KLHL6: variants seen among roughly 807,000 people sequenced by gnomAD.
The protein encoded by KLHL6 is kelch like family member 6.
Under a neutral mutation model 58.6 loss-of-function variants are expected in KLHL6, and 41 were observed. The observed-to-expected ratio is 0.70, with a 90% CI of 0.55 to 0.91. The LOEUF is 0.91. KLHL6 is among the 40% of genes least tolerant of loss of function. The pLI is 0.00. For missense variants in KLHL6, 714 were observed against 805.6 expected (o/e 0.89, Z 1.38); for synonymous variants, 338 against 322.7 (o/e 1.05, Z -0.51).
In KLHL6 at chr3:183,492,874, AG is replaced by A; in HGVS notation, c.1351-168del. ...CCTCTTAAGACACAGCAAGAATGAA[AG>A]CATGCATTTCCCACCCTCCCTCCAG... On this transcript the variant is annotated intron_variant, in intron 5 of 6. Coordinates refer to ENST00000341319, the MANE Select transcript of KLHL6 (RefSeq NM_130446.4). This position sits in a 1 kb window ranked among gnomAD's most constrained non-coding sequence, Gnocchi z 5.9. The A allele has an allele frequency of 1.6e-6, 1 of 614,120 alleles. No individual in the cohort carries two copies. The highest frequency in any genetic ancestry group is 2.9e-5 in the Admixed American group (1 of 33,942). The allele number at this position is 614,120 out of a possible 1,614,324, so 38.0% of individuals were successfully genotyped here.
chr3:183,527,129 C>T (rs1285968033), intron 2 of KLHL6, among the ~76,000 whole-genome samples: 3 of 149,392 alleles, frequency 2.0e-5, no homozygotes, highest in African/African-American at 7.4e-5. Flanking sequence ...AACAAACAAA[C>T]CAAAAAAAAG....
Position 183,526,826 on chromosome 3 carries a change from C to T in KLHL6, c.459+1019G>A, listed in dbSNP as rs936935303. On this transcript the variant is annotated intron_variant, in intron 2 of 6. Transcript: ENST00000341319. ...TAAGTATATTAAAGTTGGCTGGGCA[C>T]GATGGCTCATGCCTGTAATCCCAGC... Among the ~76,000 whole-genome samples, 5 of 152,040 alleles carry T rather than the reference C, an allele frequency of 3.3e-5. No individual in the cohort carries two copies. In the South Asian group the frequency reaches 8.3e-4, roughly 25 times the overall value.
chr3:183,524,412 C>T (rs556178597), intron 2 of KLHL6, among the ~76,000 whole-genome samples: 14 of 152,288 alleles, frequency 9.2e-5, no homozygotes, highest in African/African-American at 3.4e-4. Context: ...TGTGTTTCTC[C>T]TCATGATTGG....
At chr3:183,541,398 G>A (rs1712547272) in intron 1 of KLHL6, among the ~76,000 whole-genome samples, 1 of 152,166 alleles carries the variant, frequency 6.6e-6, no homozygotes, top group South Asian at 2.1e-4. Context: ...CCACAGTTGG[G>A]CTACACGCAG....
At chr3:183,555,225 T>C (rs1039139803) in intron 1 of KLHL6, 136 bp downstream of exon 1, 2 of 579,484 alleles carry the variant, frequency 3.5e-6, no homozygotes, top group East Asian at 3.0e-5. Flanking sequence ...TCTTATATTT[T>C]AAGTAGACAC....
chr3:183,536,256 A>G (rs559466868), intron 1 of KLHL6, among the ~76,000 whole-genome samples: 1 of 152,366 alleles, frequency 6.6e-6, no homozygotes. Flanking sequence ...AAGTGGCTTC[A>G]GCCTGATCCT....
intron 2 of KLHL6, among the ~76,000 whole-genome samples, chr3:183,525,265 A>ACACACACACACACACACACACAC (rs1553811014): frequency 0.021 from 1,100 of 52,390 alleles, 12 homozygotes; most frequent in Non-Finnish European, 0.035. Context: ...CTCTCTAAAA[A>ACACACACACACACACACACACAC]AAAAACACAC....
In KLHL6 at chr3:183,490,033, A is replaced by T. The variant is rs903454172; in HGVS notation, c.*1894T>A. On this transcript the variant is annotated 3_prime_UTR_variant, in exon 7 of 7. Transcript: ENST00000341319. ...GTAACGCAGTTACTATGTTGTTATCATTGTTGCTTTTTAAATACAGCATAT... is the reference window on the plus strand; with the variant it reads ...GTAACGCAGTTACTATGTTGTTATCTTTGTTGCTTTTTAAATACAGCATAT... 6 of 152,274 alleles carry T rather than the reference A, an allele frequency of 3.9e-5. No individual in the cohort carries two copies. The East Asian group carries it at 7.7e-4, about 20-fold the overall frequency. 9.4% of individuals were successfully genotyped at this position (152,274 alleles called of 1,614,324 possible).
chr3:183,504,229 C>T (rs1191907327), intron 3 of KLHL6, among the ~76,000 whole-genome samples: 2 of 152,174 alleles, frequency 1.3e-5, no homozygotes, highest in East Asian at 1.9e-4. Context: ...AGACACTGTG[C>T]TAAGCGTTCC....
chr3:183,497,354 G>A (rs1302835305), intron 4 of KLHL6, among the ~76,000 whole-genome samples: 1 of 152,232 alleles, frequency 6.6e-6, no homozygotes, highest in East Asian at 1.9e-4. Flanking sequence ...AGAGGTTGCA[G>A]TGAGCCGAGA....
intron 4 of KLHL6, among the ~76,000 whole-genome samples, chr3:183,496,746 T>C (rs1441029102): frequency 6.6e-6 from 1 of 152,286 alleles, no homozygotes; most frequent in Non-Finnish European, 1.5e-5. Flanking sequence ...ATATTGTTAA[T>C]TGAAGTACAA....
intron 1 of KLHL6, chr3:183,552,279 G>C (rs115108727): frequency 1.3e-5 from 2 of 152,212 alleles, no homozygotes; most frequent in Non-Finnish European, 2.9e-5. Flanking sequence ...AAATAGTCCA[G>C]ATGTCTGTCC....
chr3:183,547,639 G>A (rs929849697), intron 1 of KLHL6, among the ~76,000 whole-genome samples: 1 of 152,096 alleles, frequency 6.6e-6, no homozygotes, highest in Non-Finnish European at 1.5e-5. Context: ...CCAGTATTTT[G>A]TTTTTATACG....
At chr3:183,519,927 A>G (rs1711700444) in intron 2 of KLHL6, among the ~76,000 whole-genome samples, 2 of 151,330 alleles carry the variant, frequency 1.3e-5, no homozygotes, top group Admixed American at 1.3e-4. Context: ...ACAAGAAAAC[A>G]GAAAAATAAT....
intron 1 of KLHL6, among the ~76,000 whole-genome samples, chr3:183,553,958 C>T (rs921971646): frequency 2.0e-5 from 3 of 149,574 alleles, no homozygotes; most frequent in Non-Finnish European, 3.0e-5. Context: ...TACAAAGAAA[C>T]GTTTCCCCCC....
At chr3:183,502,815 T>C (rs1037331280) in intron 3 of KLHL6, among the ~76,000 whole-genome samples, 15 of 152,330 alleles carry the variant, frequency 9.8e-5, no homozygotes, top group Middle Eastern at 3.4e-3. Context: ...TCAGAGCCTG[T>C]TAGATAGTAA....
intron 1 of KLHL6, among the ~76,000 whole-genome samples, chr3:183,552,724 A>T (rs1480514304): frequency 1.3e-5 from 2 of 150,526 alleles, no homozygotes; most frequent in African/African-American, 4.9e-5. Flanking sequence ...TCTCAAAAAA[A>T]AAAAAAAAAA....
chr3:183,503,306 T>A (rs1489226572), intron 3 of KLHL6, among the ~76,000 whole-genome samples: 1 of 152,204 alleles, frequency 6.6e-6, no homozygotes, highest in Non-Finnish European at 1.5e-5. Context: ...ATAGATCAGG[T>A]TCATGTCTGA....
intron 2 of KLHL6, among the ~76,000 whole-genome samples, chr3:183,509,365 A>C (rs992763546): frequency 2.6e-5 from 4 of 152,250 alleles, no homozygotes; most frequent in African/African-American, 9.6e-5. Flanking sequence ...AGATAAAATG[A>C]GAAAAGCACG....
Sources: allele counts gnomAD v4.1 joint callset (sites outside exome capture counted in the v4.1 genomes callset), GRCh38; gene constraint gnomAD v4.1.1; non-coding constraint Gnocchi (gnomAD v3.1); transcripts MANE v1.5; gene names NCBI Gene and HGNC (gene_info 2026-07-23, HGNC 2026-07-21).